Variants in HNRNPA2B1 observed in about 807,000 individuals in gnomAD.
HNRNPA2B1 encodes the protein heterogeneous nuclear ribonucleoprotein A2/B1, also known as heterogeneous nuclear ribonucleoproteins A2/B1.
Under a neutral mutation model 46.3 loss-of-function variants are expected in HNRNPA2B1, and 3 were observed. That is an observed-to-expected ratio of 0.06 (90% CI 0.03 to 0.17). HNRNPA2B1 has a LOEUF of 0.17. Among genes scored for constraint, HNRNPA2B1 ranks in the 10% least tolerant of loss-of-function variants. The probability of loss-of-function intolerance (pLI) is 1.00; values close to 1 mark genes in which losing one functional copy is unlikely to be tolerated. For missense variants in HNRNPA2B1, 221 were observed against 418.9 expected (o/e 0.53, Z 4.12); for synonymous variants, 225 against 133.8 (o/e 1.68, Z -4.70).
At chr7:26,200,548 A>T in intron 1 of HNRNPA2B1, 24 bp downstream of exon 1, 1 of 1,612,514 alleles carries the variant, frequency 6.2e-7, no homozygotes, top group South Asian at 1.1e-5. Flanking sequence ...CTTTTCAATA[A>T]CTCATTGATT....
Position 26,190,939 on chromosome 7 carries a change from G to C in HNRNPA2B1, c.*1421C>G, listed in dbSNP as rs1782843266. ...CCAAGAAATGTGAATACACAAGGGT[G>C]TAACGATGGGAAATCTCATGATTTA... On this transcript the variant is annotated 3_prime_UTR_variant, in exon 11 of 11. Transcript: ENST00000618183. 1 of 152,598 alleles carries C rather than the reference G, an allele frequency of 6.6e-6. No individual in the cohort carries two copies. The highest frequency in any genetic ancestry group is 1.5e-5 in the Non-Finnish European group (1 of 68,012). 9.5% of individuals were successfully genotyped at this position (152,598 alleles called of 1,614,324 possible). A position where few individuals can be genotyped will look rare whatever the true frequency, so the allele number is the denominator to read the frequency against.
chr7:26,197,924 G>A (rs758050911), intron 1 of HNRNPA2B1, 192 bp from the exon 2 acceptor site: 47 of 1,335,788 alleles, frequency 3.5e-5, no homozygotes, highest in Non-Finnish European at 4.5e-5. Context: ...CTGCATATTA[G>A]TTGTGTTACA....
Position 26,192,573 on chromosome 7 carries a change from G to A in HNRNPA2B1, c.969C>T (p.Asn323=). 6.2e-7 allele frequency: 1 copy of A among 1,613,770 alleles called. No homozygotes were observed. The highest frequency in any genetic ancestry group is 1.3e-5 in the African/African-American group (1 of 74,996). ...TTCCTCCACTGCCTCCTGGACCATAGTTTCCTATAATTGTTGGAACAGCAA... is the reference window on the plus strand; with the variant it reads ...TTCCTCCACTGCCTCCTGGACCATAATTTCCTATAATTGTTGGAACAGCAA... ...RNMGGPYGGG[N]YGPGGSGGSG... is the part of the protein sequence containing the mutation. Residue 323 remains asparagine (N), a synonymous_variant, in exon 10 of 11, where the codon AAC becomes AAT. Transcript: ENST00000618183.
chr7:26,194,048 C>T (rs1562703389), intron 7 of HNRNPA2B1, among the ~76,000 whole-genome samples: 1 of 152,194 alleles, frequency 6.6e-6, no homozygotes, highest in Non-Finnish European at 1.5e-5. Flanking sequence ...CTTCCTCCTA[C>T]TGGCCCAAAA....
intron 6 of HNRNPA2B1, 43 bp downstream of exon 6, chr7:26,196,358 A>G (rs752372341): frequency 1.6e-5 from 24 of 1,472,968 alleles, no homozygotes; most frequent in Non-Finnish European, 2.2e-5. Flanking sequence ...TATTTAAAAT[A>G]AAAGCACACT....
intron 7 of HNRNPA2B1, 56 bp from the exon 8 acceptor site, chr7:26,193,750 C>CA: frequency 2.1e-6 from 3 of 1,423,030 alleles, no homozygotes; most frequent in Non-Finnish European, 2.9e-6. Context: ...CCATTTTGAA[C>CA]TGTCTCCTCA....
chr7:26,197,294 A>G (rs764410263), intron 3 of HNRNPA2B1, 21 bp downstream of exon 3: 5 of 1,594,924 alleles, frequency 3.1e-6, no homozygotes, highest in East Asian at 4.5e-5. Context: ...TTAATGCACA[A>G]GACAGTCATT....
rs1271585445 is a variant in HNRNPA2B1, at chr7:26,197,031, G to C, written c.265-14C>G. The C allele has an allele frequency of 6.3e-7, 1 of 1,591,732 alleles. No homozygotes were observed. The highest frequency in any genetic ancestry group is 8.6e-7 in the Non-Finnish European group (1 of 1,163,992). ...TTTTCCAGATTCCTAAAATAGTGGT[G>C]GGGTAAAAGTCATCCAAACAGAAAA... On this transcript the variant is annotated splice_polypyrimidine_tract_variant and intron_variant, in intron 3 of 10. Transcript: ENST00000618183.
At position 26,200,671 on chromosome 7, in the gene HNRNPA2B1, G is replaced by T; in HGVS notation, c.-94C>A. The stretch of plus-strand genomic sequence containing the variant: ...CACGAACCGGACTCGTCCTGGCGCT[G>T]TAGTGAGAACTGCCGCTGCTCGAGA... On this transcript the variant is annotated 5_prime_UTR_variant, in exon 1 of 11. Transcript: ENST00000618183. 6.6e-7 allele frequency: 1 copy of T among 1,517,494 alleles called. No homozygotes were observed. Among genetic ancestry groups the T allele is most frequent in the Non-Finnish European group, 9.1e-7 (1 of 1,096,006 alleles). The allele number at this position is 1,517,494 out of a possible 1,614,324, so 94.0% of individuals were successfully genotyped here.
Position 26,200,007 on chromosome 7 carries a change from G to A in HNRNPA2B1, c.6+565C>T, listed in dbSNP as rs112485832. The A allele has an allele frequency of 1.2e-4, 19 of 156,896 alleles. No individual in the cohort carries two copies. In the South Asian group the frequency reaches 1.6e-3, roughly 13 times the overall value. 9.7% of individuals were successfully genotyped at this position (156,896 alleles called of 1,614,324 possible). On this transcript the variant is annotated intron_variant, in intron 1 of 10. Transcript: ENST00000618183. ...TCACAAAACACTCCAAATCCACCTC[G>A]AAACGATATGAAAACAGCCCGAGAA... is the stretch of plus-strand genomic sequence containing the variant.
chr7:26,192,580 A>AT lies in HNRNPA2B1; in HGVS notation c.965-4dup. On this transcript the variant is annotated splice_region_variant and splice_polypyrimidine_tract_variant and intron_variant, in intron 9 of 10. Transcript: ENST00000618183. ...ACTGCCTCCTGGACCATAGTTTCCT[A>AT]TAATTGTTGGAACAGCAAGAGAAAA... The AT allele has an allele frequency of 6.2e-7, 1 of 1,613,640 alleles. No individual in the cohort carries two copies. Among genetic ancestry groups the AT allele is most frequent in the Admixed American group, 1.7e-5 (1 of 60,022 alleles).
chr7:26,198,608 A>C (rs1472561319), intron 1 of HNRNPA2B1: 1 of 152,244 alleles, frequency 6.6e-6, no homozygotes, highest in Non-Finnish European at 1.5e-5. Flanking sequence ...GGCACAAAAC[A>C]ATTTTCCAAG....
chr7:26,193,216 C>T (rs1298842280), intron 9 of HNRNPA2B1, 35 bp downstream of exon 9: 4 of 1,597,430 alleles, frequency 2.5e-6, no homozygotes, highest in Non-Finnish European at 3.4e-6. Context: ...CCTTTAATCA[C>T]AAAAATCTGA....
chr7:26,200,746 T>TGCCGCTAGA, upstream of HNRNPA2B1: 2 of 818,402 alleles, frequency 2.4e-6, no homozygotes, highest in East Asian at 2.5e-5. Context: ...CTGCTGCTAC[T>TGCCGCTAGA]GCCGCTAGAG....
At chr7:26,195,600 T>C (rs1783488994) in intron 7 of HNRNPA2B1, 1 of 490,492 alleles carries the variant, frequency 2.0e-6, no homozygotes, top group Admixed American at 3.9e-5. Context: ...ATCCAATCAT[T>C]TTGCTTGAGA....
At position 26,192,336 on chromosome 7, in the gene HNRNPA2B1, A is replaced by G. The variant is rs950213832; in HGVS notation, c.*24T>C. 12 of 602,022 alleles carry G rather than the reference A, an allele frequency of 2.0e-5. No homozygotes were observed. Among genetic ancestry groups the G allele is most frequent in the South Asian group, 1.8e-4 (9 of 49,588 alleles). The allele number at this position is 602,022 out of a possible 1,614,324, so 37.3% of individuals were successfully genotyped here. ...TCATCCTCTCCTATTTATACAGTGA[A>G]GCCTGTTTCAACAGAAGTAAAGAGT... is the stretch of plus-strand genomic sequence containing the variant. On this transcript the variant is annotated splice_region_variant and 3_prime_UTR_variant, in exon 11 of 11. Transcript: ENST00000618183.
chr7:26,193,562 G>A lies in HNRNPA2B1; in HGVS notation c.841+13C>T, dbSNP rs763653211. 1.1e-5 allele frequency: 17 copies of A among 1,575,020 alleles called. No individual in the cohort carries two copies. Among genetic ancestry groups the A allele is most frequent in the East Asian group, 2.3e-5 (1 of 44,356 alleles). ...CCAAATTCCCACATAAAGGTTGCAG[G>A]TGAATTTATTACCTCCTCCATAGTT... On this transcript the variant is annotated intron_variant, in intron 8 of 10. Transcript: ENST00000618183.
At position 26,191,170 on chromosome 7, in the gene HNRNPA2B1, A is replaced by G. The variant is rs1160136755; in HGVS notation, c.*1190T>C. On this transcript the variant is annotated 3_prime_UTR_variant, in exon 11 of 11. Coordinates refer to ENST00000618183, the MANE Select transcript of HNRNPA2B1 (RefSeq NM_002137.4). ...GAAAAAAATGATATGTTAAGCACCC[A>G]AATCTTCACATGGAGGGGGAGGGGG... is the stretch of plus-strand genomic sequence containing the variant. 6.6e-6 allele frequency: 1 copy of G among 152,096 alleles called. No individual in the cohort carries two copies. The highest frequency in any genetic ancestry group is 1.5e-5 in the Non-Finnish European group (1 of 67,904). The allele number at this position is 152,096 out of a possible 1,614,324, so 9.4% of individuals were successfully genotyped here.
chr7:26,194,457 G>GGGAA (rs1783279213), intron 7 of HNRNPA2B1, among the ~76,000 whole-genome samples: 1 of 151,978 alleles, frequency 6.6e-6, no homozygotes, highest in Non-Finnish European at 1.5e-5. Flanking sequence ...CCAGCAGTAC[G>GGGAA]GGAAGTTGAG....
Sources: gnomAD v4.1 joint callset for allele counts (sites outside exome capture counted in the v4.1 genomes callset) on GRCh38, gnomAD v4.1.1 for gene constraint, MANE v1.5 for transcripts, NCBI Gene and HGNC (gene_info 2026-07-23, HGNC 2026-07-21) for gene names.